The following RAPGEF5 variants were observed in gnomAD, a reference collection of about 807,000 sequenced individuals.
The protein encoded by RAPGEF5 is Rap guanine nucleotide exchange factor 5.
Under a neutral mutation model 125.2 loss-of-function variants are expected in RAPGEF5, and 65 were observed. The observed-to-expected ratio is 0.52, with a 90% CI of 0.43 to 0.64. The LOEUF (loss-of-function observed/expected upper bound fraction) is 0.64. Among genes scored for constraint, RAPGEF5 ranks in the 30% least tolerant of loss-of-function variants. The probability of loss-of-function intolerance (pLI) is 0.00; values close to 1 mark genes in which losing one functional copy is unlikely to be tolerated. For missense variants in RAPGEF5, 958 were observed against 1,048.1 expected (o/e 0.91, Z 1.19); for synonymous variants, 391 against 385.9 (o/e 1.01, Z -0.16).
rs1166379260 is a variant in RAPGEF5, at chr7:22,120,446, C to T, written c.*1960G>A. 5.9e-5 allele frequency: 9 copies of T among 152,748 alleles called. No individual in the cohort carries two copies. The East Asian group carries it at 1.7e-3, about 29-fold the overall frequency. The allele number at this position is 152,748 out of a possible 1,614,324, so 9.5% of individuals were successfully genotyped here. The stretch of plus-strand genomic sequence containing the variant: ...AAATAAAAATCCAAATTTTGAAACA[C>T]AGAAACAATGTCAGGATGGCCTTAT... On this transcript the variant is annotated 3_prime_UTR_variant, in exon 26 of 26. Coordinates refer to ENST00000665637, the MANE Select transcript of RAPGEF5 (RefSeq NM_012294.5). This position sits in a 1 kb window ranked among gnomAD's most constrained non-coding sequence, Gnocchi z 4.0.
intron 20 of RAPGEF5, among the ~76,000 whole-genome samples, chr7:22,141,566 C>T (rs144413883): frequency 6.6e-5 from 10 of 152,348 alleles, no homozygotes; most frequent in Non-Finnish European, 1.3e-4. Context: ...TGGCTCCAAG[C>T]AAGGAAGGCT....
intron 1 of RAPGEF5, among the ~76,000 whole-genome samples, chr7:22,343,580 G>A (rs967378791): frequency 1.3e-5 from 2 of 152,050 alleles, no homozygotes; most frequent in Non-Finnish European, 2.9e-5. Context: ...CAATATAAAA[G>A]AACTAATAAA....
intron 7 of RAPGEF5, among the ~76,000 whole-genome samples, chr7:22,233,120 A>G (rs1786099915): frequency 6.6e-6 from 1 of 152,222 alleles, no homozygotes; most frequent in Non-Finnish European, 1.5e-5. Flanking sequence ...AAGACTATAA[A>G]GGGAAAAATA....
chr7:22,287,454 A>G (rs1399145519), intron 6 of RAPGEF5, among the ~76,000 whole-genome samples: 1 of 152,230 alleles, frequency 6.6e-6, no homozygotes, highest in Non-Finnish European at 1.5e-5. Context: ...GGGGTTAAAG[A>G]AATGAGAAAT....
chr7:22,338,163 T>C (rs1784059781), intron 1 of RAPGEF5, among the ~76,000 whole-genome samples: 1 of 152,240 alleles, frequency 6.6e-6, no homozygotes, highest in Non-Finnish European at 1.5e-5. Context: ...ATTTCTTCCT[T>C]GAGGTCTCAA....
intron 1 of RAPGEF5, among the ~76,000 whole-genome samples, chr7:22,327,133 G>A (rs1783829376): frequency 6.6e-6 from 1 of 152,128 alleles, no homozygotes; most frequent in African/African-American, 2.4e-5. Flanking sequence ...TGATGCTAAA[G>A]GCCAAATATA....
At chr7:22,163,743 T>A (rs1232715672) in intron 12 of RAPGEF5, among the ~76,000 whole-genome samples, 2 of 152,210 alleles carry the variant, frequency 1.3e-5, no homozygotes, top group East Asian at 3.8e-4. Context: ...ATAAGCTGAG[T>A]GTCTTGGACA....
At chr7:22,214,991 T>C (rs1031074674) in intron 9 of RAPGEF5, among the ~76,000 whole-genome samples, 10 of 152,184 alleles carry the variant, frequency 6.6e-5, no homozygotes, top group Admixed American at 1.3e-4. Flanking sequence ...ACCATCTTCC[T>C]TAGGAAAAGT....
At chr7:22,250,500 T>C (rs540026080) in intron 7 of RAPGEF5, among the ~76,000 whole-genome samples, 38 of 152,342 alleles carry the variant, frequency 2.5e-4, no homozygotes, top group Non-Finnish European at 4.0e-4. Flanking sequence ...GTTCATGTCA[T>C]TTCCAGTTTT....
chr7:22,281,129 G>A (rs372997054), intron 6 of RAPGEF5, among the ~76,000 whole-genome samples: 1 of 152,150 alleles, frequency 6.6e-6, no homozygotes, highest in African/African-American at 2.4e-5. Context: ...CACAAGTAGG[G>A]TTCTGGGGTC....
At chr7:22,130,945 A>T in intron 24 of RAPGEF5, 92 bp downstream of exon 24, 2 of 1,485,522 alleles carry the variant, frequency 1.3e-6, no homozygotes, top group Non-Finnish European at 1.8e-6. Context: ...CCAATGGAGA[A>T]AAGTACTAAA....
chr7:22,261,058 C>A (rs1428934912), intron 7 of RAPGEF5, among the ~76,000 whole-genome samples: 1 of 152,142 alleles, frequency 6.6e-6, no homozygotes, highest in Non-Finnish European at 1.5e-5. Flanking sequence ...CCACATCACA[C>A]CATATACATA....
chr7:22,135,749 T>C (rs1307716575), intron 23 of RAPGEF5, among the ~76,000 whole-genome samples: 1 of 152,188 alleles, frequency 6.6e-6, no homozygotes, highest in African/African-American at 2.4e-5. Flanking sequence ...TCAAAGAAAG[T>C]AATACAGGGC....
chr7:22,180,008 A>G (rs950812895), intron 11 of RAPGEF5, among the ~76,000 whole-genome samples: 1 of 152,158 alleles, frequency 6.6e-6, no homozygotes, highest in Admixed American at 6.5e-5. Flanking sequence ...CTTCTCTAAC[A>G]AAGTTGCTTT....
intron 1 of RAPGEF5, among the ~76,000 whole-genome samples, chr7:22,327,362 C>G (rs957900037): frequency 6.6e-6 from 1 of 152,180 alleles, no homozygotes; most frequent in Admixed American, 6.5e-5. Flanking sequence ...TCCCCTGATT[C>G]ATTACATGAA....
At chr7:22,146,347 G>A (rs1167318327) in intron 19 of RAPGEF5, among the ~76,000 whole-genome samples, 4 of 152,164 alleles carry the variant, frequency 2.6e-5, no homozygotes, top group African/African-American at 9.7e-5. Flanking sequence ...GTAGCATTTT[G>A]CTATTTCCCA....
intron 7 of RAPGEF5, among the ~76,000 whole-genome samples, chr7:22,256,048 C>G (rs1251683773): frequency 6.6e-6 from 1 of 152,150 alleles, no homozygotes; most frequent in East Asian, 1.9e-4. Flanking sequence ...TCACATTACT[C>G]TTGCCTGCCC....
At chr7:22,250,673 G>A (rs1786596749) in intron 7 of RAPGEF5, among the ~76,000 whole-genome samples, 1 of 152,052 alleles carries the variant, frequency 6.6e-6, no homozygotes. Flanking sequence ...GGGAAAAAAA[G>A]GCCTTCAGTA....
intron 11 of RAPGEF5, among the ~76,000 whole-genome samples, chr7:22,167,877 T>C (rs1192282760): frequency 2.0e-5 from 3 of 152,204 alleles, no homozygotes; most frequent in Non-Finnish European, 2.9e-5. Context: ...CAATATGGAA[T>C]TGCTAAAGAG....
Sources: allele counts gnomAD v4.1 joint callset (sites outside exome capture counted in the v4.1 genomes callset), GRCh38; gene constraint gnomAD v4.1.1; non-coding constraint Gnocchi (gnomAD v3.1); transcripts MANE v1.5; gene names NCBI Gene and HGNC (gene_info 2026-07-23, HGNC 2026-07-21).